TTF2: variants seen among roughly 807,000 people sequenced by gnomAD.
TTF2 encodes transcription termination factor 2, also known as RNA polymerase II termination factor.
A neutral mutation model predicts 142.4 loss-of-function variants in TTF2; 108 were observed. The observed-to-expected ratio is 0.76, with a 90% CI of 0.65 to 0.89. The LOEUF is 0.89. Ranked by LOEUF, TTF2 falls within the 40% of genes least tolerant of loss-of-function variation. TTF2 has a pLI of 0.00. For synonymous variants in TTF2, 483 were observed against 506.2 expected (o/e 0.95, Z 0.61); for missense variants, 1,327 against 1,379.8 (o/e 0.96, Z 0.61).
intron 3 of TTF2, among the ~76,000 whole-genome samples, chr1:117,068,213 C>A (rs1570797683): frequency 6.6e-6 from 1 of 152,194 alleles, no homozygotes; most frequent in African/African-American, 2.4e-5. Flanking sequence ...GGAAATATTT[C>A]TTTGCTTAGA....
Position 117,092,624 on chromosome 1 carries a change from C to T in TTF2, c.2806-107C>T. ...TTGAGGAGTTACTGATGACAAATTACAAGATATTTTGCTCTGTGAAGTGGT... is the reference window on the plus strand; with the variant it reads ...TTGAGGAGTTACTGATGACAAATTATAAGATATTTTGCTCTGTGAAGTGGT... On this transcript the variant is annotated intron_variant, in intron 17 of 22. Coordinates refer to ENST00000369466, the MANE Select transcript of TTF2 (RefSeq NM_003594.4). The surrounding 1 kb of genome is among the most constrained non-coding windows in gnomAD (Gnocchi z 4.4). 1 of 1,262,878 alleles carries T rather than the reference C, an allele frequency of 7.9e-7. No homozygotes were observed. Among genetic ancestry groups the T allele is most frequent in the Non-Finnish European group, 1.1e-6 (1 of 917,186 alleles). The allele number at this position is 1,262,878 out of a possible 1,614,324, so 78.2% of individuals were successfully genotyped here.
Position 117,080,008 on chromosome 1 carries a change from CTT to C in TTF2, c.1783+376_1783+377del, listed in dbSNP as rs544511918. Among the ~76,000 whole-genome samples, 17 of 138,918 alleles carry C rather than the reference CTT, an allele frequency of 1.2e-4. No individual in the cohort carries two copies. The highest frequency in any genetic ancestry group is 1.5e-4 in the Admixed American group (2 of 13,676). The allele number at this position is 138,918 out of a possible 152,430, so 91.1% of individuals were successfully genotyped here. A position where few individuals can be genotyped will look rare whatever the true frequency, so the allele number is the denominator to read the frequency against. The stretch of plus-strand genomic sequence containing the variant: ...ACAAACAGCAGTCTATTGCCTCCCT[CTT>C]TTTTTTTTTTTTTTTTGAGATGGAG... On this transcript the variant is annotated intron_variant, in intron 9 of 22. Transcript: ENST00000369466. This position sits in a 1 kb window ranked among gnomAD's most constrained non-coding sequence, Gnocchi z 4.3.
At chr1:117,067,349 T>C (rs969030336) in intron 3 of TTF2, among the ~76,000 whole-genome samples, 1 of 152,026 alleles carries the variant, frequency 6.6e-6, no homozygotes, top group East Asian at 1.9e-4. Flanking sequence ...CTGGCCATCA[T>C]GGTGAAACTC....
Position 117,097,673 on chromosome 1 carries a change from A to AAC in TTF2, c.3269+240_3269+241insAC, listed in dbSNP as rs1649272478. On this transcript the variant is annotated intron_variant, in intron 21 of 22. Coordinates refer to ENST00000369466, the MANE Select transcript of TTF2 (RefSeq NM_003594.4). The surrounding 1 kb of genome is among the most constrained non-coding windows in gnomAD (Gnocchi z 4.1). ...AAAATAGTTCATTCACGTTATTGTT[A>AAC]GTCTAACATCTGTTTCCATGGAAAC... Among the ~76,000 whole-genome samples the AAC allele has an allele frequency of 6.6e-6, 1 of 152,186 alleles. No homozygotes were observed. Among genetic ancestry groups the AAC allele is most frequent in the Non-Finnish European group, 1.5e-5 (1 of 68,020 alleles).
intron 10 of TTF2, 109 bp from the exon 11 acceptor site, chr1:117,083,909 T>G: frequency 8.9e-6 from 12 of 1,349,304 alleles, no homozygotes; most frequent in South Asian, 1.4e-5. Context: ...CCTAGGAGTT[T>G]GAGACAGCCT....
Position 117,086,996 on chromosome 1 carries a change from G to A in TTF2, c.2160+474G>A, listed in dbSNP as rs1480947689. 6.6e-6 allele frequency among the ~76,000 whole-genome samples: 1 copy of A among 151,776 alleles called. No individual in the cohort carries two copies. The highest frequency in any genetic ancestry group is 2.4e-5 in the African/African-American group (1 of 41,312). On this transcript the variant is annotated intron_variant, in intron 12 of 22. Transcript: ENST00000369466. This position sits in a 1 kb window ranked among gnomAD's most constrained non-coding sequence, Gnocchi z 4.2. ...TAAGGCCAGAGGCTAAGTGACAATT[G>A]TGAATACGTGATGGTCTTCTAGGGT... is the stretch of plus-strand genomic sequence containing the variant.
rs1301848924 is a variant in TTF2 at position 117,076,798 on chromosome 1, TGGA to T, written c.1552_1554del (p.Gly518del). 1 of 1,613,796 alleles carries T rather than the reference TGGA, an allele frequency of 6.2e-7. No homozygotes were observed. Among genetic ancestry groups the T allele is most frequent in the African/African-American group, 1.3e-5 (1 of 75,044 alleles). The stretch of plus-strand genomic sequence containing the variant: ...TAAAGTCTGCCTGCCAGGTGACTGC[TGGA>T]GGATCCAGTCAGTGCTATCGAGGTA... On this transcript the variant is annotated inframe_deletion, in exon 7 of 23. Coordinates refer to ENST00000369466, the MANE Select transcript of TTF2 (RefSeq NM_003594.4). This position sits in a 1 kb window ranked among gnomAD's most constrained non-coding sequence, Gnocchi z 4.6.
chr1:117,091,712 T>G, intron 16 of TTF2, 105 bp from the exon 17 acceptor site: 1 of 1,402,808 alleles, frequency 7.1e-7, no homozygotes, highest in Non-Finnish European at 9.6e-7. Flanking sequence ...TATTATTGAG[T>G]CTGAGATCAA....
Position 117,101,361 on chromosome 1 carries a change from T to A in TTF2, c.3345-19T>A, listed in dbSNP as rs766772156. 1.3e-6 allele frequency: 2 copies of A among 1,567,024 alleles called. No homozygotes were observed. The highest frequency in any genetic ancestry group is 2.4e-5 in the South Asian group (2 of 83,322). On this transcript the variant is annotated intron_variant, in intron 22 of 22. Coordinates refer to ENST00000369466, the MANE Select transcript of TTF2 (RefSeq NM_003594.4). This position sits in a 1 kb window ranked among gnomAD's most constrained non-coding sequence, Gnocchi z 5.9. ...TAGGGTTTTTGATAGTTTGCTTATT[T>A]TTTGTTTTTGTTTTTTAGATTTGTT...
At chr1:117,082,855 A>G (rs530539435) in intron 10 of TTF2, among the ~76,000 whole-genome samples, 1 of 152,308 alleles carries the variant, frequency 6.6e-6, no homozygotes, top group Admixed American at 6.5e-5. Context: ...TAATAACTTT[A>G]TAAGTACTTT....
chr1:117,077,998 A>G lies in TTF2; in HGVS notation c.1656A>G (p.Ser552=). ...GTCAACTGCATCGCTCACTTGAGTC[A>G]TGTCCTGGTGAGACGGTTGTGGCAG... ...AIGQLHRSLE[S]CPGETVVAED... is the part of the protein sequence containing the mutation. The change falls in exon 8 of 23, where the codon TCA becomes TCG. Residue 552 remains serine, a synonymous_variant. Coordinates refer to ENST00000369466, the MANE Select transcript of TTF2 (RefSeq NM_003594.4). 6.2e-7 allele frequency: 1 copy of G among 1,614,198 alleles called. No individual in the cohort carries two copies. The highest frequency in any genetic ancestry group is 1.7e-5 in the Admixed American group (1 of 60,022).
At chr1:117,074,473 T>A (rs1475205053) in intron 4 of TTF2, among the ~76,000 whole-genome samples, 2 of 152,094 alleles carry the variant, frequency 1.3e-5, no homozygotes, top group African/African-American at 4.8e-5. Flanking sequence ...GTTTGGCACG[T>A]CATCTTTTCT....
chr1:117,082,026 A>C (rs762089440), intron 10 of TTF2, 79 bp downstream of exon 10: 1 of 1,601,928 alleles, frequency 6.2e-7, no homozygotes, highest in South Asian at 1.1e-5. Flanking sequence ...TCAGCTAAAA[A>C]AGGACACCTT....
rs560500263 is a variant in TTF2 at position 117,099,589 on chromosome 1, A to G, written c.3344+682A>G. Among the ~76,000 whole-genome samples the G allele has an allele frequency of 3.3e-4, 51 of 152,290 alleles. 1 individual carries two copies. Among genetic ancestry groups the G allele is most frequent in the African/African-American group, 1.2e-3 (49 of 41,562 alleles). ...TTATGACATTGACATTTTGATGAGC[A>G]TGAGCCAGTTATTTTGCAAAATGTC... On this transcript the variant is annotated intron_variant, in intron 22 of 22. Coordinates refer to ENST00000369466, the MANE Select transcript of TTF2 (RefSeq NM_003594.4). The surrounding 1 kb of genome is among the most constrained non-coding windows in gnomAD (Gnocchi z 4.3).
intron 3 of TTF2, among the ~76,000 whole-genome samples, chr1:117,069,197 T>C (rs546615778): frequency 7.7e-4 from 118 of 152,314 alleles, no homozygotes; most frequent in African/African-American, 2.6e-3. Context: ...AGCTGGACCA[T>C]GTAAAGATGT....
At chr1:117,082,000 C>T (rs936173911) in intron 10 of TTF2, 53 bp downstream of exon 10, 1 of 1,612,228 alleles carries the variant, frequency 6.2e-7, no homozygotes. Context: ...TTGAGCCACC[C>T]AAGAGGGGAA....
chr1:117,086,377 A>G lies in TTF2; in HGVS notation c.2055-40A>G, dbSNP rs767462232. On this transcript the variant is annotated intron_variant, in intron 11 of 22. Coordinates refer to ENST00000369466, the MANE Select transcript of TTF2 (RefSeq NM_003594.4). The surrounding 1 kb of genome is among the most constrained non-coding windows in gnomAD (Gnocchi z 4.2). ...TCTGCCTCTCTCATTGTCCCTCTAT[A>G]GTGGGACCATTTATTGATTTCTTTG... 1 of 1,464,298 alleles carries G rather than the reference A, an allele frequency of 6.8e-7. No homozygotes were observed. The allele number at this position is 1,464,298 out of a possible 1,614,324, so 90.7% of individuals were successfully genotyped here.
chr1:117,083,018 G>A (rs1018755605), intron 10 of TTF2, among the ~76,000 whole-genome samples: 2 of 151,958 alleles, frequency 1.3e-5, no homozygotes, highest in Non-Finnish European at 2.9e-5. Flanking sequence ...TGAGGTGGGC[G>A]GATAACAAGG....
intron 4 of TTF2, among the ~76,000 whole-genome samples, 192 bp from the exon 5 acceptor site, chr1:117,074,678 G>C (rs999982690): frequency 6.6e-6 from 1 of 151,546 alleles, no homozygotes; most frequent in African/African-American, 2.4e-5. Flanking sequence ...CTACTGGAGA[G>C]GGGAGGAGGG....
Sources: allele counts gnomAD v4.1 joint callset (sites outside exome capture counted in the v4.1 genomes callset), GRCh38; gene constraint gnomAD v4.1.1; non-coding constraint Gnocchi (gnomAD v3.1); transcripts MANE v1.5; gene names NCBI Gene and HGNC (gene_info 2026-07-23, HGNC 2026-07-21).